CDH13: variants seen among roughly 807,000 people sequenced by gnomAD.
The protein encoded by CDH13 is cadherin 13.
A neutral mutation model predicts 63.8 loss-of-function variants in CDH13; 24 were observed. The observed-to-expected ratio is 0.38, with a 90% CI of 0.27 to 0.53. The LOEUF (loss-of-function observed/expected upper bound fraction) is 0.53, where lower values mean the gene tolerates loss of function less well. Among genes scored for constraint, CDH13 ranks in the 20% least tolerant of loss-of-function variants. The pLI, the probability that CDH13 is intolerant of heterozygous loss-of-function variation, is 0.85. For synonymous variants in CDH13, 503 were observed against 355.3 expected, an observed-to-expected ratio of 1.42 and a Z score of -4.67; for missense variants, 1,049 against 903.1, an observed-to-expected ratio of 1.16 and a Z score of -2.07.
intron 1 of CDH13, among the ~76,000 whole-genome samples, chr16:82,836,640 T>A (rs1418701005): frequency 1.3e-5 from 2 of 152,152 alleles, no homozygotes; most frequent in African/African-American, 4.8e-5. Context: ...CGTCTTGGCA[T>A]TTTTTACTGC....
chr16:83,265,600 C>T (rs1907512471), intron 5 of CDH13, among the ~76,000 whole-genome samples: 1 of 151,772 alleles, frequency 6.6e-6, no homozygotes, highest in African/African-American at 2.4e-5. Flanking sequence ...TTTGTTCTCT[C>T]AATGTTCATT....
At chr16:83,178,840 A>G (rs1165863176) in intron 4 of CDH13, among the ~76,000 whole-genome samples, 1 of 152,128 alleles carries the variant, frequency 6.6e-6, no homozygotes, top group Non-Finnish European at 1.5e-5. Flanking sequence ...AGATGCACAA[A>G]TAGCCTGGCC....
At chr16:82,783,232 G>T (rs550496865) in intron 1 of CDH13, among the ~76,000 whole-genome samples, 1 of 152,268 alleles carries the variant, frequency 6.6e-6, no homozygotes, top group Middle Eastern at 3.4e-3. Context: ...GCCAAAGACC[G>T]CAAAGCTCCG....
At chr16:83,671,088 T>A in intron 9 of CDH13, 116 bp downstream of exon 9, 1 of 870,626 alleles carries the variant, frequency 1.1e-6, no homozygotes, top group East Asian at 2.5e-5. Flanking sequence ...AGTCTCCTCC[T>A]TCTGGGAATT....
Position 83,634,763 on chromosome 16 carries a change from G to A in CDH13, c.1101+32169G>A, listed in dbSNP as rs116237911. On this transcript the variant is annotated intron_variant, in intron 8 of 13. Coordinates refer to ENST00000567109, the MANE Select transcript of CDH13 (RefSeq NM_001257.5). ...ATTCATCCAAGTACTCACATCAGCC[G>A]ATAGCTGGTTCCTTTTGATTGCTGA... 1.9e-3 allele frequency among the ~76,000 whole-genome samples: 294 copies of A among 152,222 alleles called. 1 individual carries two copies. The highest frequency in any genetic ancestry group is 6.4e-3 in the African/African-American group (265 of 41,536).
At chr16:82,913,085 G>A (rs1176082865) in intron 2 of CDH13, among the ~76,000 whole-genome samples, 2 of 152,136 alleles carry the variant, frequency 1.3e-5, no homozygotes, top group Non-Finnish European at 1.5e-5. Flanking sequence ...TTGCATTAAT[G>A]TATGAGACTC....
At chr16:83,061,822 C>T (rs1463004215) in intron 3 of CDH13, among the ~76,000 whole-genome samples, 4 of 152,172 alleles carry the variant, frequency 2.6e-5, no homozygotes, top group South Asian at 2.1e-4. Flanking sequence ...AAAATTGAAA[C>T]GTAATTCAAC....
chr16:83,053,662 A>G (rs1418785681), intron 3 of CDH13, among the ~76,000 whole-genome samples: 1 of 152,234 alleles, frequency 6.6e-6, no homozygotes, highest in East Asian at 1.9e-4. Context: ...TAACCAAGAG[A>G]AAGTTGATAG....
At chr16:82,774,322 ATTT>A (rs5818404) in intron 1 of CDH13, among the ~76,000 whole-genome samples, 63,836 of 147,614 alleles carry the variant, frequency 0.43, 14,338 homozygotes, top group East Asian at 0.54. Flanking sequence ...ACTTCAGTTC[ATTT>A]TTTTTTTTTT....
chr16:83,413,034 T>C (rs1338008548), intron 6 of CDH13, among the ~76,000 whole-genome samples: 1 of 152,260 alleles, frequency 6.6e-6, no homozygotes, highest in Non-Finnish European at 1.5e-5. Context: ...TTTATTCCAC[T>C]GTGCACGTAG....
At chr16:83,456,847 A>C (rs1266213058) in intron 6 of CDH13, among the ~76,000 whole-genome samples, 1 of 152,190 alleles carries the variant, frequency 6.6e-6, no homozygotes, top group Non-Finnish European at 1.5e-5. Flanking sequence ...CTGTAATCCC[A>C]GCTACTCAGG....
At chr16:83,008,926 C>T (rs980710361) in intron 2 of CDH13, among the ~76,000 whole-genome samples, 2 of 152,190 alleles carry the variant, frequency 1.3e-5, no homozygotes, top group Admixed American at 1.3e-4. Flanking sequence ...GGGAAGCAAA[C>T]ACGTCCATCT....
At position 83,786,839 on chromosome 16, in the gene CDH13, C is replaced by T. The variant is rs185579169; in HGVS notation, c.2134+3367C>T. On this transcript the variant is annotated intron_variant, in intron 13 of 13. Coordinates refer to ENST00000567109, the MANE Select transcript of CDH13 (RefSeq NM_001257.5). ...CTGACCTCAGGTAATCTGCCTGCCT[C>T]GGCCTCCCAAAGTGCTAGGATTACA... Among the ~76,000 whole-genome samples, 763 of 152,214 alleles carry T rather than the reference C, an allele frequency of 5.0e-3. 8 individuals carry two copies. The highest frequency in any genetic ancestry group is 0.017 in the African/African-American group (708 of 41,528).
intron 7 of CDH13, among the ~76,000 whole-genome samples, chr16:83,590,241 G>T (rs889039411): frequency 6.6e-6 from 1 of 152,142 alleles, no homozygotes; most frequent in Non-Finnish European, 1.5e-5. Flanking sequence ...AAGAAGGCAG[G>T]GGGACCAACC....
chr16:82,866,531 G>A (rs1479542878), intron 2 of CDH13, among the ~76,000 whole-genome samples: 2 of 151,642 alleles, frequency 1.3e-5, no homozygotes, highest in Non-Finnish European at 2.9e-5. Context: ...TGGGACTACA[G>A]GCATGAGCCA....
At chr16:83,229,021 C>T (rs575621947) in intron 5 of CDH13, among the ~76,000 whole-genome samples, 4 of 152,072 alleles carry the variant, frequency 2.6e-5, no homozygotes, top group Non-Finnish European at 5.9e-5. Flanking sequence ...TTAAATATAC[C>T]TTGGGATGAA....
chr16:82,851,803 A>G (rs1269052632), intron 1 of CDH13, among the ~76,000 whole-genome samples: 5 of 152,066 alleles, frequency 3.3e-5, no homozygotes, highest in African/African-American at 4.8e-5. Flanking sequence ...CCCTGGGAGG[A>G]TAAAGAATTA....
intron 10 of CDH13, among the ~76,000 whole-genome samples, chr16:83,746,299 C>T (rs1912578234): frequency 6.6e-6 from 1 of 152,118 alleles, no homozygotes. Flanking sequence ...TGGTTTGTGG[C>T]CACATCACTC....
At chr16:83,762,692 T>G (rs950956246) in intron 11 of CDH13, among the ~76,000 whole-genome samples, 2 of 152,178 alleles carry the variant, frequency 1.3e-5, no homozygotes, top group Non-Finnish European at 2.9e-5. Flanking sequence ...GCTCACTCAC[T>G]CCACGCTCAC....
Sources: allele counts gnomAD v4.1 joint callset (sites outside exome capture counted in the v4.1 genomes callset), GRCh38; gene constraint gnomAD v4.1.1; transcripts MANE v1.5; gene names NCBI Gene and HGNC (gene_info 2026-07-23, HGNC 2026-07-21).